The following SNTG1 variants were observed in gnomAD, a reference collection of about 807,000 sequenced individuals.
SNTG1 encodes the protein syntrophin gamma 1.
A neutral mutation model predicts 74.7 loss-of-function variants in SNTG1; 39 were observed. The ratio of observed to expected loss-of-function variants is 0.52; its 90% CI spans 0.40 to 0.68. The LOEUF is 0.68. Among genes scored for constraint, SNTG1 ranks in the 30% least tolerant of loss-of-function variants. The pLI is 0.00. For synonymous variants in SNTG1, 254 were observed against 217.1 expected, an observed-to-expected ratio of 1.17 and a Z score of -1.49; for missense variants, 685 against 609.5, an observed-to-expected ratio of 1.12 and a Z score of -1.30.
intron 13 of SNTG1, among the ~76,000 whole-genome samples, chr8:50,649,369 C>A (rs1353968440): frequency 1.3e-5 from 2 of 152,022 alleles, no homozygotes; most frequent in African/African-American, 4.8e-5. Flanking sequence ...CGTTATGGTG[C>A]GTGCCTGTAA....
At chr8:50,594,996 C>T (rs139808423) in intron 13 of SNTG1, among the ~76,000 whole-genome samples, 6 of 147,752 alleles carry the variant, frequency 4.1e-5, no homozygotes, top group African/African-American at 1.5e-4. Context: ...ATATTTAATT[C>T]ATGAAATTTT....
At chr8:50,171,296 C>CTGAG (rs1287176835) in intron 1 of SNTG1, among the ~76,000 whole-genome samples, 1 of 151,964 alleles carries the variant, frequency 6.6e-6, no homozygotes, top group Non-Finnish European at 1.5e-5. Flanking sequence ...TCACAGTGTC[C>CTGAG]CACAATAGGC....
At position 50,305,524 on chromosome 8, in the gene SNTG1, A is replaced by G. The variant is rs1168351764; in HGVS notation, c.-27-88688A>G. Among the ~76,000 whole-genome samples, 6 of 146,110 alleles carry G rather than the reference A, an allele frequency of 4.1e-5. No individual in the cohort carries two copies. In the South Asian group the frequency reaches 6.7e-4, roughly 16 times the overall value. Reference sequence around the variant, plus strand: ...GTGGATGTTTGGTTTGTTTGTGCTTATGTGTGTGTGTGTGTGTGTGTGTGT... The same window carrying G: ...GTGGATGTTTGGTTTGTTTGTGCTTGTGTGTGTGTGTGTGTGTGTGTGTGT... On this transcript the variant is annotated intron_variant, in intron 2 of 18. Coordinates refer to ENST00000642720, the MANE Select transcript of SNTG1 (RefSeq NM_018967.5).
chr8:50,698,499 T>G (rs1171672899), intron 15 of SNTG1, among the ~76,000 whole-genome samples: 1 of 151,868 alleles, frequency 6.6e-6, no homozygotes, highest in African/African-American at 2.4e-5. Context: ...AAGTGAAAGA[T>G]GGGGTGAGCC....
At chr8:50,261,784 T>A (rs1487942809) in intron 2 of SNTG1, among the ~76,000 whole-genome samples, 1 of 151,828 alleles carries the variant, frequency 6.6e-6, no homozygotes, top group Non-Finnish European at 1.5e-5. Flanking sequence ...ATAACTGACA[T>A]GCTAAGGAAG....
At chr8:50,777,186 C>G (rs571993341) in intron 18 of SNTG1, among the ~76,000 whole-genome samples, 2 of 147,738 alleles carry the variant, frequency 1.4e-5, no homozygotes, top group African/African-American at 4.9e-5. Context: ...TAATTTTTGT[C>G]CTCATTTTTT....
chr8:50,208,512 C>G (rs147761126), intron 2 of SNTG1, among the ~76,000 whole-genome samples: 3,035 of 152,224 alleles, frequency 0.02, 74 homozygotes, highest in African/African-American at 0.056. Context: ...GACTGTTTAT[C>G]CAATTTACCA....
intron 2 of SNTG1, among the ~76,000 whole-genome samples, chr8:50,198,221 G>C (rs1218726176): frequency 6.6e-6 from 1 of 152,156 alleles, no homozygotes; most frequent in African/African-American, 2.4e-5. Flanking sequence ...GATTGGGAGG[G>C]ATCCAGCTGG....
chr8:50,425,472 C>A (rs1488938079), intron 4 of SNTG1, among the ~76,000 whole-genome samples: 1 of 152,108 alleles, frequency 6.6e-6, no homozygotes, highest in East Asian at 1.9e-4. Context: ...CAGATGGGAC[C>A]ACCTAGTTGC....
chr8:50,565,269 A>G (rs2094510002), intron 12 of SNTG1, among the ~76,000 whole-genome samples: 1 of 152,014 alleles, frequency 6.6e-6, no homozygotes, highest in Non-Finnish European at 1.5e-5. Context: ...GGATCCAGGA[A>G]CAGCAAAAAA....
At chr8:50,338,457 C>A (rs1200343195) in intron 2 of SNTG1, among the ~76,000 whole-genome samples, 1 of 152,100 alleles carries the variant, frequency 6.6e-6, no homozygotes, top group Non-Finnish European at 1.5e-5. Flanking sequence ...TCAGATATGG[C>A]AGAGATTTTT....
intron 2 of SNTG1, among the ~76,000 whole-genome samples, chr8:50,320,287 T>C (rs187057886): frequency 6.6e-6 from 1 of 152,284 alleles, no homozygotes; most frequent in East Asian, 1.9e-4. Context: ...GATTTCCCAA[T>C]TTATTGGCAC....
chr8:50,175,855 A>G (rs953189366), intron 2 of SNTG1, among the ~76,000 whole-genome samples: 3 of 152,162 alleles, frequency 2.0e-5, no homozygotes, highest in Non-Finnish European at 4.4e-5. Flanking sequence ...TTTCTTAAAT[A>G]TATCTCTTTG....
At chr8:50,575,828 G>C (rs1407990040) in intron 12 of SNTG1, 1 of 152,166 alleles carries the variant, frequency 6.6e-6, no homozygotes, top group Non-Finnish European at 1.5e-5. Context: ...ATTTCTAAAT[G>C]AAGAGATCAC....
chr8:50,290,039 G>T (rs1258800853), intron 2 of SNTG1, among the ~76,000 whole-genome samples: 1 of 152,124 alleles, frequency 6.6e-6, no homozygotes, highest in Non-Finnish European at 1.5e-5. Context: ...TTTTCAACTT[G>T]AAGGATTCTT....
At chr8:50,384,417 T>C (rs1257309949) in intron 2 of SNTG1, among the ~76,000 whole-genome samples, 1 of 152,216 alleles carries the variant, frequency 6.6e-6, no homozygotes, top group Non-Finnish European at 1.5e-5. Flanking sequence ...GAACGCTGTG[T>C]ATAGGAAAGG....
chr8:50,061,128 G>A (rs1820435965), intron 1 of SNTG1, among the ~76,000 whole-genome samples: 2 of 152,020 alleles, frequency 1.3e-5, no homozygotes, highest in South Asian at 2.1e-4. Flanking sequence ...ATTGTTAAAA[G>A]CCTTATTCAA....
intron 13 of SNTG1, among the ~76,000 whole-genome samples, chr8:50,599,560 G>C (rs1286887193): frequency 6.6e-6 from 1 of 151,710 alleles, no homozygotes; most frequent in African/African-American, 2.4e-5. Context: ...AGTTTTCTTT[G>C]AGGTGATCTT....
At chr8:50,284,582 A>G (rs771191959) in intron 2 of SNTG1, among the ~76,000 whole-genome samples, 11 of 152,116 alleles carry the variant, frequency 7.2e-5, no homozygotes, top group Non-Finnish European at 1.0e-4. Flanking sequence ...GAACCACAAA[A>G]TGCTCCAATT....
Sources: gnomAD v4.1 joint callset for allele counts (sites outside exome capture counted in the v4.1 genomes callset) on GRCh38, gnomAD v4.1.1 for gene constraint, MANE v1.5 for transcripts, NCBI Gene and HGNC (gene_info 2026-07-23, HGNC 2026-07-21) for gene names.